The following KIAA0513 variants were observed in gnomAD, a reference collection of about 807,000 sequenced individuals.
The protein encoded by KIAA0513 is uncharacterized protein KIAA0513.
In KIAA0513, 39 loss-of-function variants were observed where a neutral mutation model predicts 56.5. The ratio of observed to expected loss-of-function variants is 0.69; its 90% CI spans 0.53 to 0.90. KIAA0513 has a LOEUF of 0.90. KIAA0513 is among the 40% of genes least tolerant of loss of function. The pLI is 0.00. For synonymous variants in KIAA0513, 268 were observed against 215.6 expected (o/e 1.24, Z -2.13); for missense variants, 591 against 535.2 (o/e 1.10, Z -1.03).
chr16:85,068,581 C>G (rs762722753), intron 2 of KIAA0513, among the ~76,000 whole-genome samples: 28 of 152,260 alleles, frequency 1.8e-4, no homozygotes, highest in Non-Finnish European at 3.7e-4. Context: ...ATCCGCCTGC[C>G]TTAGCCTCCC....
rs559267295 is a variant in KIAA0513, at chr16:85,078,828, C to G, written c.824-97C>G. ...TTGCATCACGTGTTTCAGTGACATT[C>G]GGGGAGAAACTGGCTGCTGGGAGGC... On this transcript the variant is annotated intron_variant, in intron 7 of 12. Coordinates refer to ENST00000683363, the MANE Select transcript of KIAA0513 (RefSeq NM_001388359.1). 1.5e-5 allele frequency: 20 copies of G among 1,307,448 alleles called. No homozygotes were observed. The African/African-American group carries it at 2.6e-4, about 17-fold the overall frequency. 81.0% of individuals were successfully genotyped at this position (1,307,448 alleles called of 1,614,324 possible).
At chr16:85,085,513 A>G (rs892868004) in intron 10 of KIAA0513, among the ~76,000 whole-genome samples, 1 of 152,132 alleles carries the variant, frequency 6.6e-6, no homozygotes, top group Admixed American at 6.5e-5. Flanking sequence ...AGACTCATCC[A>G]TCCAGTTTTC....
At position 85,066,977 on chromosome 16, in the gene KIAA0513, TG is replaced by T; in HGVS notation, c.-92del. ...AGTTACTGGCAACTTGTGAGCTTGG[TG>T]GGCTCCTACTAACGCACCTGGGACA... is the stretch of plus-strand genomic sequence containing the variant. On this transcript the variant is annotated 5_prime_UTR_variant, in exon 2 of 13. Transcript: ENST00000683363. The T allele has an allele frequency of 9.1e-7, 1 of 1,095,946 alleles. No homozygotes were observed. Among genetic ancestry groups the T allele is most frequent in the Non-Finnish European group, 1.3e-6 (1 of 775,452 alleles). 67.9% of individuals were successfully genotyped at this position (1,095,946 alleles called of 1,614,324 possible). A position where few individuals can be genotyped will look rare whatever the true frequency, so the allele number is the denominator to read the frequency against.
chr16:85,046,226 G>A (rs1045236772), intron 1 of KIAA0513, among the ~76,000 whole-genome samples: 18 of 152,124 alleles, frequency 1.2e-4, no homozygotes, highest in Non-Finnish European at 2.1e-4. Context: ...TGGGCAGTGC[G>A]GCTGCATCTT....
chr16:85,052,457 T>G (rs1234018472), intron 1 of KIAA0513, among the ~76,000 whole-genome samples: 1 of 152,268 alleles, frequency 6.6e-6, no homozygotes, highest in Non-Finnish European at 1.5e-5. Context: ...GGTTCCCAGG[T>G]TCCATTGCAT....
At chr16:85,030,476 C>T (rs1484862902) in intron 1 of KIAA0513, among the ~76,000 whole-genome samples, 1 of 152,128 alleles carries the variant, frequency 6.6e-6, no homozygotes, top group Non-Finnish European at 1.5e-5. Flanking sequence ...GGCGCGGTGG[C>T]TGTTGTTTTC....
At chr16:85,029,412 C>T (rs2072932572) in intron 1 of KIAA0513, among the ~76,000 whole-genome samples, 1 of 152,224 alleles carries the variant, frequency 6.6e-6, no homozygotes, top group African/African-American at 2.4e-5. Flanking sequence ...AATGAGAAGC[C>T]ACTAGGTGAC....
At chr16:85,053,443 C>T (rs1374456992) in intron 1 of KIAA0513, among the ~76,000 whole-genome samples, 3 of 152,166 alleles carry the variant, frequency 2.0e-5, no homozygotes, top group Admixed American at 6.5e-5. Context: ...TCTCTATCAA[C>T]ATGTTGTTTG....
chr16:85,081,276 T>A lies in KIAA0513; in HGVS notation c.903-39T>A. 1 of 1,599,424 alleles carries A rather than the reference T, an allele frequency of 6.3e-7. No individual in the cohort carries two copies. The highest frequency in any genetic ancestry group is 1.1e-5 in the South Asian group (1 of 90,626). ...GCCCACAACCCGTGTCCTCCCCGCC[T>A]CCCCTTGGAGAGAGTGTGACTGGGG... On this transcript the variant is annotated intron_variant, in intron 8 of 12. Coordinates refer to ENST00000683363, the MANE Select transcript of KIAA0513 (RefSeq NM_001388359.1). The surrounding 1 kb of genome is among the most constrained non-coding windows in gnomAD (Gnocchi z 4.4).
chr16:85,057,005 G>A (rs1226651907), intron 1 of KIAA0513, among the ~76,000 whole-genome samples: 4 of 152,166 alleles, frequency 2.6e-5, no homozygotes, highest in East Asian at 1.9e-4. Context: ...GCACCCAGCC[G>A]AGATACTTGT....
At position 85,071,787 on chromosome 16, in the gene KIAA0513, G is replaced by A. The variant is rs564723050; in HGVS notation, c.334G>A (p.Asp112Asn). Reference sequence around the variant, plus strand: ...GCTCTTTTTTTTTTTTTTTAGGGAGGACTTGGATCAGGAGGAGAAAGCCAA... The same window carrying A: ...GCTCTTTTTTTTTTTTTTTAGGGAGAACTTGGATCAGGAGGAGAAAGCCAA... ...YVEKIFSGGE[D>N]LDQEEKAKFG... is the part of the protein sequence containing the mutation. Residue 112 changes from aspartate (D) to asparagine (N), a missense_variant, in exon 3 of 13, where the codon GAC (aspartate) becomes AAC (asparagine). Asp to Asn is a conservative substitution (Grantham distance 23). Transcript: ENST00000683363. 1 of 1,587,032 alleles carries A rather than the reference G, an allele frequency of 6.3e-7. No homozygotes were observed. The highest frequency in any genetic ancestry group is 1.2e-5 in the South Asian group (1 of 86,930).
intron 1 of KIAA0513, among the ~76,000 whole-genome samples, chr16:85,044,255 G>A (rs2073140850): frequency 6.6e-6 from 1 of 152,196 alleles, no homozygotes; most frequent in South Asian, 2.1e-4. Flanking sequence ...CTGAGGAGAG[G>A]TGAACCAGTG....
In KIAA0513 at chr16:85,093,132, G is replaced by C. The variant is rs985940649; in HGVS notation, c.*4807G>C. ...GGTGCTGGCAAGGGATTGGGTTTGT[G>C]TGGGTGTCTCTAGCCTGCAGAGTGC... On this transcript the variant is annotated 3_prime_UTR_variant, in exon 13 of 13. Transcript: ENST00000683363. 1 of 152,344 alleles carries C rather than the reference G, an allele frequency of 6.6e-6. No homozygotes were observed. The highest frequency in any genetic ancestry group is 2.4e-5 in the African/African-American group (1 of 41,436). The allele number at this position is 152,344 out of a possible 1,614,324, so 9.4% of individuals were successfully genotyped here.
rs1318943090 is a variant in KIAA0513 at position 85,091,225 on chromosome 16, GA to G, written c.*2904del. 1.3e-5 allele frequency: 2 copies of G among 152,256 alleles called. No homozygotes were observed. The highest frequency in any genetic ancestry group is 4.8e-5 in the African/African-American group (2 of 41,466). The allele number at this position is 152,256 out of a possible 1,614,324, so 9.4% of individuals were successfully genotyped here. A position where few individuals can be genotyped will look rare whatever the true frequency, so the allele number is the denominator to read the frequency against. On this transcript the variant is annotated 3_prime_UTR_variant, in exon 13 of 13. Transcript: ENST00000683363. Reference sequence around the variant, plus strand: ...CAAAATGCAAACAACTCACACAAGTGAAAAGCTCCCTGCTTTGAAAACAGGA... The same window carrying G: ...CAAAATGCAAACAACTCACACAAGTGAAAGCTCCCTGCTTTGAAAACAGGA...
intron 1 of KIAA0513, among the ~76,000 whole-genome samples, chr16:85,057,835 C>T (rs1235875560): frequency 6.6e-6 from 1 of 151,678 alleles, no homozygotes; most frequent in African/African-American, 2.4e-5. Context: ...CTCTTTCAAG[C>T]CAGCACCTGT....
chr16:85,072,045 A>C (rs2073584620), intron 3 of KIAA0513, among the ~76,000 whole-genome samples, 163 bp downstream of exon 3: 1 of 152,130 alleles, frequency 6.6e-6, no homozygotes, highest in Non-Finnish European at 1.5e-5. Context: ...TACTCTGAAA[A>C]GGAGTGTTTA....
rs376965135 is a variant in KIAA0513 at position 85,074,311 on chromosome 16, TAC to T, written c.503+1328_503+1329del. On this transcript the variant is annotated intron_variant, in intron 4 of 12. Coordinates refer to ENST00000683363, the MANE Select transcript of KIAA0513 (RefSeq NM_001388359.1). ...ATATATACATATATATATACACACA[TAC>T]ACACACACACACACGTATATATACA... Among the ~76,000 whole-genome samples, 307 of 144,250 alleles carry T rather than the reference TAC, an allele frequency of 2.1e-3. 1 individual carries two copies. Among genetic ancestry groups the T allele is most frequent in the Admixed American group, 0.016 (233 of 14,264 alleles). 94.6% of individuals were successfully genotyped at this position (144,250 alleles called of 152,430 possible). A position where few individuals can be genotyped will look rare whatever the true frequency, so the allele number is the denominator to read the frequency against.
intron 1 of KIAA0513, among the ~76,000 whole-genome samples, chr16:85,036,998 A>G (rs1184352509): frequency 6.6e-6 from 1 of 152,106 alleles, no homozygotes; most frequent in Non-Finnish European, 1.5e-5. Flanking sequence ...TCAGAAATGC[A>G]TGGCCAGGAC....
chr16:85,038,428 C>T (rs1195051557), intron 1 of KIAA0513, among the ~76,000 whole-genome samples: 3 of 152,024 alleles, frequency 2.0e-5, no homozygotes, highest in South Asian at 2.1e-4. Context: ...TTTAATTGGC[C>T]GGGTGCAGTG....
Sources: allele counts gnomAD v4.1 joint callset (sites outside exome capture counted in the v4.1 genomes callset), GRCh38; gene constraint gnomAD v4.1.1; non-coding constraint Gnocchi (gnomAD v3.1); transcripts MANE v1.5; gene names NCBI Gene and HGNC (gene_info 2026-07-23, HGNC 2026-07-21).